Variants in SIM2 observed in about 807,000 individuals in gnomAD.
SIM2 encodes the protein SIM bHLH transcription factor 2.
Under a neutral mutation model 64.8 loss-of-function variants are expected in SIM2, and 28 were observed. The ratio of observed to expected loss-of-function variants is 0.43; its 90% CI spans 0.32 to 0.59. The LOEUF is 0.59. Among genes scored for constraint, SIM2 ranks in the 20% least tolerant of loss-of-function variants. SIM2 has a pLI of 0.07. For synonymous variants in SIM2, 408 were observed against 391.1 expected (o/e 1.04, Z -0.51); for missense variants, 847 against 871.4 (o/e 0.97, Z 0.35).
rs1041692765 is a variant in SIM2, at chr21:36,743,392, T to C, written c.1004T>C (p.Ile335Thr). The change falls in exon 9 of 11, where the codon ATT (isoleucine) becomes ACT (threonine). Residue 335 changes from isoleucine to threonine, a missense_variant. By Grantham distance (89) the Ile-to-Thr change is moderately conservative. Around this residue, in one of 3 missense-constraint regions of SIM2, gnomAD observed 3 missense variants for 17.6 expected, o/e 0.17. Transcript: ENST00000290399. ...IVSVNYVLTE[I>T]EYKELQLSLE... ...GGCCCACTCTCGCCTTCCAGGGAGA[T>C]TGAATACAAGGAACTTCAGCTGTCC... 2 of 1,611,122 alleles carry C rather than the reference T, an allele frequency of 1.2e-6. No homozygotes were observed. The highest frequency in any genetic ancestry group is 1.7e-6 in the Non-Finnish European group (2 of 1,178,970).
At chr21:36,734,242 A>C (rs2269193) in intron 7 of SIM2, among the ~76,000 whole-genome samples, 111,872 of 151,976 alleles carry the variant, frequency 0.74, 42,331 homozygotes, top group Non-Finnish European at 0.82. Flanking sequence ...AGGTGATTTT[A>C]TTTGAGGGGT....
In SIM2 at chr21:36,747,671, C is replaced by T. The variant is rs2089247821; in HGVS notation, c.1583C>T (p.Ala528Val). The change falls in exon 11 of 11, where the codon GCC becomes GTC. Residue 528 changes from alanine (A) to valine (V), a missense_variant. Coordinates refer to ENST00000290399, the MANE Select transcript of SIM2 (RefSeq NM_005069.6). The surrounding 1 kb of genome is among the most constrained non-coding windows in gnomAD (Gnocchi z 4.5). ...HSLVPSYEAP[A>V]AAVRRFGEDT... ...GTGTCGCCTGTCCCCGCAGCGCCCG[C>T]CGCCGCCGTGCGCAGGTTCGGCGAG... The T allele has an allele frequency of 7.9e-7, 1 of 1,259,328 alleles. No individual in the cohort carries two copies. Among genetic ancestry groups the T allele is most frequent in the East Asian group, 3.4e-5 (1 of 29,820 alleles). 78.0% of individuals were successfully genotyped at this position (1,259,328 alleles called of 1,614,324 possible). A position where few individuals can be genotyped will look rare whatever the true frequency, so the allele number is the denominator to read the frequency against.
intron 3 of SIM2, among the ~76,000 whole-genome samples, chr21:36,718,427 C>T (rs1222766704): frequency 6.6e-6 from 1 of 152,220 alleles, no homozygotes; most frequent in East Asian, 1.9e-4. Flanking sequence ...TGGAGAGCCA[C>T]AGGCTCCCAG....
chr21:36,699,938 G>A lies in SIM2; in HGVS notation c.175+17G>A, dbSNP rs1434857940. On this transcript the variant is annotated intron_variant, in intron 1 of 10. Coordinates refer to ENST00000290399, the MANE Select transcript of SIM2 (RefSeq NM_005069.6). This position sits in a 1 kb window ranked among gnomAD's most constrained non-coding sequence, Gnocchi z 5.6. ...TCCCCGAAGGTGAGGCCTCAGGTGG[G>A]CGGCCGGGGACGCTGGGGAGCCCGG... The A allele has an allele frequency of 5.0e-6, 8 of 1,584,304 alleles. No individual in the cohort carries two copies. The African/African-American group carries it at 1.1e-4, about 21-fold the overall frequency.
At chr21:36,723,356 T>C (rs1222535894) in intron 5 of SIM2, among the ~76,000 whole-genome samples, 1 of 152,136 alleles carries the variant, frequency 6.6e-6, no homozygotes, top group Non-Finnish European at 1.5e-5. Context: ...CCGGAATCAG[T>C]GTGGCTTAGG....
chr21:36,704,984 G>A (rs76738417), intron 1 of SIM2, among the ~76,000 whole-genome samples: 2,161 of 152,348 alleles, frequency 0.014, 15 homozygotes, highest in Non-Finnish European at 0.024. Context: ...AATTTACTGG[G>A]ATCCTTTTGT....
Position 36,709,155 on chromosome 21 carries a change from G to A in SIM2, c.176-13G>A. On this transcript the variant is annotated splice_polypyrimidine_tract_variant and intron_variant, in intron 1 of 10. Transcript: ENST00000290399. ...CGCTGCAGTTTACCGATTTGCTTTC[G>A]TCCCTCGTCCAGGTTTAGGAGACGC... is the stretch of plus-strand genomic sequence containing the variant. 6.2e-7 allele frequency: 1 copy of A among 1,603,840 alleles called. No homozygotes were observed. Among genetic ancestry groups the A allele is most frequent in the South Asian group, 1.1e-5 (1 of 89,132 alleles).
rs1183858314 is a variant in SIM2, at chr21:36,723,144, T to C, written c.543+14T>C. 1 of 1,609,794 alleles carries C rather than the reference T, an allele frequency of 6.2e-7. No individual in the cohort carries two copies. The highest frequency in any genetic ancestry group is 8.5e-7 in the Non-Finnish European group (1 of 1,176,304). The stretch of plus-strand genomic sequence containing the variant: ...AGCGGATACAAGGTACGGGGAGTCA[T>C]GGGTGCGGGGAGGAGCTGGCTAAGG... On this transcript the variant is annotated intron_variant, in intron 5 of 10. Coordinates refer to ENST00000290399, the MANE Select transcript of SIM2 (RefSeq NM_005069.6).
chr21:36,733,743 A>G (rs1292176197), intron 7 of SIM2, among the ~76,000 whole-genome samples: 4 of 151,966 alleles, frequency 2.6e-5, no homozygotes, highest in Admixed American at 2.6e-4. Flanking sequence ...TTGTATTTTT[A>G]GTAGAGACGG....
intron 1 of SIM2, chr21:36,701,550 C>T (rs1349409093): frequency 6.6e-6 from 1 of 152,288 alleles, no homozygotes; most frequent in Non-Finnish European, 1.5e-5. Flanking sequence ...GCCACCCGGC[C>T]CTACCGCGCG....
chr21:36,736,052 C>T (rs1351855838), intron 7 of SIM2, among the ~76,000 whole-genome samples: 1 of 152,212 alleles, frequency 6.6e-6, no homozygotes, highest in South Asian at 2.1e-4. Context: ...CTAGAGCTGG[C>T]CCCGTGGCTG....
chr21:36,737,982 A>AAAAAAG (rs2089095780), intron 7 of SIM2, among the ~76,000 whole-genome samples: 1 of 88,790 alleles, frequency 1.1e-5, no homozygotes, highest in African/African-American at 3.4e-5. Flanking sequence ...AAAAAAAAAA[A>AAAAAAG]GCAAAAAAAA....
At chr21:36,707,104 G>A (rs1159321383) in intron 1 of SIM2, among the ~76,000 whole-genome samples, 1 of 152,220 alleles carries the variant, frequency 6.6e-6, no homozygotes, top group Non-Finnish European at 1.5e-5. Flanking sequence ...CACGCTCACC[G>A]TTAACACTGC....
At chr21:36,720,063 A>G in intron 4 of SIM2, 134 bp downstream of exon 4, 1 of 644,484 alleles carries the variant, frequency 1.6e-6, no homozygotes, top group Non-Finnish European at 2.8e-6. Flanking sequence ...GGTCTCTCCA[A>G]TACACACACA....
chr21:36,705,376 C>T (rs945112240), intron 1 of SIM2, among the ~76,000 whole-genome samples: 1 of 152,236 alleles, frequency 6.6e-6, no homozygotes, highest in Admixed American at 6.5e-5. Flanking sequence ...GGCAACGCGC[C>T]GAGGTCACGC....
intron 1 of SIM2, among the ~76,000 whole-genome samples, chr21:36,708,728 A>G (rs2088626748): frequency 6.6e-6 from 1 of 152,074 alleles, no homozygotes; most frequent in Non-Finnish European, 1.5e-5. Context: ...GAGTTGCCGG[A>G]GAAGCAGGGA....
At chr21:36,710,848 G>A (rs1197026463) in intron 2 of SIM2, among the ~76,000 whole-genome samples, 1 of 152,212 alleles carries the variant, frequency 6.6e-6, no homozygotes, top group Non-Finnish European at 1.5e-5. Flanking sequence ...CCCTGCCCAG[G>A]CGGCCTCTGC....
At chr21:36,709,078 C>A in intron 1 of SIM2, 90 bp from the exon 2 acceptor site, 2 of 1,126,752 alleles carry the variant, frequency 1.8e-6, no homozygotes, top group Non-Finnish European at 2.5e-6. Flanking sequence ...GGAGGGCTGG[C>A]AGGGTGCAGG....
intron 7 of SIM2, among the ~76,000 whole-genome samples, chr21:36,732,029 C>T (rs946072605): frequency 3.9e-5 from 6 of 152,158 alleles, no homozygotes; most frequent in Non-Finnish European, 7.4e-5. Flanking sequence ...ATTATAGGTG[C>T]ATGCCACCAC....
Sources: gnomAD v4.1 joint callset for allele counts (sites outside exome capture counted in the v4.1 genomes callset) on GRCh38, gnomAD v4.1.1 for gene constraint, gnomAD v4.1.1 regional missense constraint, Gnocchi (gnomAD v3.1) non-coding constraint, MANE v1.5 for transcripts, NCBI Gene and HGNC (gene_info 2026-07-23, HGNC 2026-07-21) for gene names.